LYG2: variants seen among roughly 807,000 people sequenced by gnomAD.
The protein encoded by LYG2 is lysozyme g-like protein 2.
LYG2 carries 25 observed loss-of-function variants against 22.4 expected under a neutral mutation model. The ratio of observed to expected loss-of-function variants is 1.12; its 90% CI spans 0.81 to 1.56. The LOEUF (loss-of-function observed/expected upper bound fraction) is 1.56. Among genes scored for constraint, LYG2 ranks in the 40% most tolerant of loss-of-function variants. The pLI is 0.00. For synonymous variants in LYG2, 88 were observed against 97.0 expected, an observed-to-expected ratio of 0.91 and a Z score of 0.55; for missense variants, 266 against 269.5, an observed-to-expected ratio of 0.99 and a Z score of 0.09.
At chr2:99,250,663 C>T (rs966196446) in intron 3 of LYG2, among the ~76,000 whole-genome samples, 1 of 152,182 alleles carries the variant, frequency 6.6e-6, no homozygotes, top group Non-Finnish European at 1.5e-5. Flanking sequence ...CGTGAGCCAC[C>T]ACGCCTGGCT....
chr2:99,243,558 T>C, intron 6 of LYG2: 1 of 1,420,252 alleles, frequency 7.0e-7, no homozygotes. Context: ...TTTTGAGAGA[T>C]GGGGTCTCAC....
At chr2:99,250,338 A>T (rs920746621) in intron 3 of LYG2, among the ~76,000 whole-genome samples, 3 of 152,138 alleles carry the variant, frequency 2.0e-5, no homozygotes, top group African/African-American at 7.2e-5. Flanking sequence ...GAGAAAGGCC[A>T]CATTAAAACA....
At chr2:99,259,836 G>A (rs548982387), upstream of LYG2, among the ~76,000 whole-genome samples, 43 of 152,074 alleles carry the variant, frequency 2.8e-4, no homozygotes, top group African/African-American at 1.0e-3. Context: ...TACTGTGAAC[G>A]TTTATCCCAC....
chr2:99,260,242 C>T (rs2094044846), upstream of LYG2, among the ~76,000 whole-genome samples: 1 of 152,172 alleles, frequency 6.6e-6, no homozygotes, highest in South Asian at 2.1e-4. Flanking sequence ...GGACTACAGG[C>T]ATGAGCCACC....
rs533844421 is a variant in LYG2, at chr2:99,252,890, CA to C, written c.43+1327del. Among the ~76,000 whole-genome samples the C allele has an allele frequency of 1.6e-3, 241 of 151,684 alleles. 1 individual carries two copies. Among genetic ancestry groups the C allele is most frequent in the Middle Eastern group, 0.01 (3 of 294 alleles). On this transcript the variant is annotated intron_variant, in intron 3 of 6. Transcript: ENST00000333017. ...TGAAACCCTGTCTCTACTAAAAATA[CA>C]AAAAAATTAGCTGGGCATGATGGTG...
At chr2:99,261,164 C>T in the LYG2 span, among the ~76,000 whole-genome samples, 1 of 152,060 alleles carries the variant, frequency 6.6e-6, no homozygotes, top group Non-Finnish European at 1.5e-5. Context: ...AGGTGCAGCT[C>T]TGCGGGGGCC....
chr2:99,261,283 G>T, the LYG2 span, among the ~76,000 whole-genome samples: 1 of 152,174 alleles, frequency 6.6e-6, no homozygotes. Flanking sequence ...CTATCATGGG[G>T]CCAGTGGGAA....
chr2:99,259,184 T>C (rs986375824), upstream of LYG2, among the ~76,000 whole-genome samples: 1 of 143,238 alleles, frequency 7.0e-6, no homozygotes, highest in Non-Finnish European at 1.5e-5. Context: ...CTCAGGAATT[T>C]TATTTCTAGT....
At chr2:99,251,016 C>A (rs1422083851) in intron 3 of LYG2, among the ~76,000 whole-genome samples, 1 of 152,046 alleles carries the variant, frequency 6.6e-6, no homozygotes, top group African/African-American at 2.4e-5. Context: ...AAAATACAAT[C>A]GTATATTTTG....
At chr2:99,246,570 A>AAG in intron 4 of LYG2, 110 bp downstream of exon 4, 1 of 1,275,136 alleles carries the variant, frequency 7.8e-7, no homozygotes, top group Non-Finnish European at 1.1e-6. Context: ...TAATTTTGAT[A>AAG]CTATTGTCAT....
chr2:99,243,518 A>ATAGG (rs1338551052), intron 6 of LYG2: 10 of 1,518,484 alleles, frequency 6.6e-6, no homozygotes, highest in Non-Finnish European at 8.9e-6. Flanking sequence ...AGATAGATAG[A>ATAGG]TAGATAGATA....
At chr2:99,247,805 T>C (rs2094018888) in intron 3 of LYG2, among the ~76,000 whole-genome samples, 1 of 151,662 alleles carries the variant, frequency 6.6e-6, no homozygotes, top group South Asian at 2.1e-4. Flanking sequence ...ACCTACAAAA[T>C]GGGAGAAAAT....
chr2:99,248,736 TAATAAAATAA>T lies in LYG2; in HGVS notation c.44-1926_44-1917del, dbSNP rs577846030. Among the ~76,000 whole-genome samples, 530 of 148,820 alleles carry T rather than the reference TAATAAAATAA, an allele frequency of 3.6e-3. 3 individuals are homozygous for T. The highest frequency in any genetic ancestry group is 0.013 in the African/African-American group (510 of 40,636). ...TACCCTAAAACTTAAAGTATAATAA[TAATAAAATAA>T]AATAAAATAAAATAAAAATAAATAA... On this transcript the variant is annotated intron_variant, in intron 3 of 6. Coordinates refer to ENST00000333017, the MANE Select transcript of LYG2 (RefSeq NM_175735.4).
chr2:99,250,670 G>A (rs2094025055), intron 3 of LYG2, among the ~76,000 whole-genome samples: 1 of 152,144 alleles, frequency 6.6e-6, no homozygotes, highest in East Asian at 1.9e-4. Context: ...CACCACGCCT[G>A]GCTGCATTTT....
chr2:99,256,068 C>A (rs1046967444), upstream of LYG2, among the ~76,000 whole-genome samples: 1 of 152,124 alleles, frequency 6.6e-6, no homozygotes, highest in Non-Finnish European at 1.5e-5. Flanking sequence ...AGTCCTCCCC[C>A]ACATCCACTG....
rs1161583693 is a variant in LYG2, at chr2:99,244,178, AAC to A, written c.382-43_382-42del. The A allele has an allele frequency of 5.0e-6, 8 of 1,589,014 alleles. No homozygotes were observed. The South Asian group carries it at 5.7e-5, about 11-fold the overall frequency. On this transcript the variant is annotated intron_variant, in intron 5 of 6. Coordinates refer to ENST00000333017, the MANE Select transcript of LYG2 (RefSeq NM_175735.4). ...AATAAAGTCAGCATCTGGATGAGGTAACACATTTTTTCTGCCATTCCTAATTT... is the reference window on the plus strand; with the variant it reads ...AATAAAGTCAGCATCTGGATGAGGTAACATTTTTTCTGCCATTCCTAATTT...
chr2:99,253,269 TAA>T (rs1028417638), intron 3 of LYG2, among the ~76,000 whole-genome samples: 4 of 152,092 alleles, frequency 2.6e-5, no homozygotes, highest in African/African-American at 9.7e-5. Flanking sequence ...CTTTTTAAAT[TAA>T]GAGTCACCTT....
chr2:99,258,461 G>C (rs572147318), upstream of LYG2, among the ~76,000 whole-genome samples: 1 of 152,156 alleles, frequency 6.6e-6, no homozygotes, highest in Non-Finnish European at 1.5e-5. Flanking sequence ...TATAGGACAG[G>C]AAGTAGGAGG....
chr2:99,253,465 A>C (rs1178625469), intron 3 of LYG2, among the ~76,000 whole-genome samples: 2 of 152,202 alleles, frequency 1.3e-5, no homozygotes, highest in African/African-American at 4.8e-5. Flanking sequence ...CATTTTAGAA[A>C]CACTTTCCTT....
Sources: allele counts gnomAD v4.1 joint callset (sites outside exome capture counted in the v4.1 genomes callset), GRCh38; gene constraint gnomAD v4.1.1; transcripts MANE v1.5; gene names NCBI Gene and HGNC (gene_info 2026-07-23, HGNC 2026-07-21).